The following GLYR1 variants were observed in gnomAD, a reference collection of about 807,000 sequenced individuals.
GLYR1 encodes cytokine-like nuclear factor N-PAC.
GLYR1 carries 21 observed loss-of-function variants against 72.7 expected under a neutral mutation model. That is an observed-to-expected ratio of 0.29 (90% CI 0.20 to 0.42). The LOEUF is 0.42. Ranked by LOEUF, GLYR1 falls within the 10% of genes least tolerant of loss-of-function variation. GLYR1 has a pLI of 1.00. For missense variants in GLYR1, 594 were observed against 712.1 expected, an observed-to-expected ratio of 0.83 and a Z score of 1.89; for synonymous variants, 392 against 270.2, an observed-to-expected ratio of 1.45 and a Z score of -4.42.
chr16:4,844,510 G>A (rs1285061123), intron 3 of GLYR1, among the ~76,000 whole-genome samples: 1 of 152,202 alleles, frequency 6.6e-6, no homozygotes, highest in Non-Finnish European at 1.5e-5. Context: ...AGTGGCTCAC[G>A]CCTATAATCC....
At chr16:4,823,413 C>T (rs1010172927) in intron 6 of GLYR1, among the ~76,000 whole-genome samples, 2 of 152,068 alleles carry the variant, frequency 1.3e-5, no homozygotes, top group Non-Finnish European at 2.9e-5. Flanking sequence ...ATAATTATGC[C>T]CAGCAACAGG....
At chr16:4,830,631 C>T (rs547013311) in intron 5 of GLYR1, among the ~76,000 whole-genome samples, 59 of 152,322 alleles carry the variant, frequency 3.9e-4, no homozygotes, top group African/African-American at 1.3e-3. Flanking sequence ...CGTCACCCAA[C>T]TGTTGCTGCC....
At chr16:4,818,495 C>A in intron 9 of GLYR1, among the ~76,000 whole-genome samples, 1 of 151,950 alleles carries the variant, frequency 6.6e-6, no homozygotes, top group East Asian at 1.9e-4. Context: ...GTTACCCAGG[C>A]TGGTCTTGGA....
chr16:4,807,117 T>C (rs2083035830), intron 15 of GLYR1, among the ~76,000 whole-genome samples: 1 of 147,584 alleles, frequency 6.8e-6, no homozygotes, highest in African/African-American at 2.5e-5. Flanking sequence ...CTTTTTTTTT[T>C]TTTTTTTTTT....
chr16:4,805,341 G>T, intron 15 of GLYR1, 31 bp from the exon 16 acceptor site: 9 of 1,589,354 alleles, frequency 5.7e-6, no homozygotes, highest in Non-Finnish European at 7.8e-6. Flanking sequence ...TCAGTCTCTG[G>T]CCCCAGAGCT....
At chr16:4,805,593 A>G (rs2082918894) in intron 15 of GLYR1, among the ~76,000 whole-genome samples, 1 of 152,240 alleles carries the variant, frequency 6.6e-6, no homozygotes. Context: ...ACTGCGGCTC[A>G]TGCCTGTAAG....
intron 11 of GLYR1, 49 bp from the exon 12 acceptor site, chr16:4,813,887 C>G (rs2141961054): frequency 7.0e-7 from 1 of 1,435,234 alleles, no homozygotes; most frequent in East Asian, 2.4e-5. Context: ...CGGGCAGATG[C>G]TCAGGAGCCC....
chr16:4,816,320 A>T (rs781647171), intron 10 of GLYR1, among the ~76,000 whole-genome samples: 8 of 151,742 alleles, frequency 5.3e-5, no homozygotes, highest in Non-Finnish European at 1.2e-4. Context: ...CTAATATTTT[A>T]TTTTTTGTAG....
intron 4 of GLYR1, 102 bp downstream of exon 4, chr16:4,832,672 C>G (rs774263863): frequency 1.7e-5 from 23 of 1,342,308 alleles, no homozygotes; most frequent in Middle Eastern, 3.8e-4. Context: ...AGTAGCATTT[C>G]AGAAGAACAA....
At chr16:4,843,507 C>G in intron 3 of GLYR1, 1 of 1,282,382 alleles carries the variant, frequency 7.8e-7, no homozygotes, top group East Asian at 5.6e-5. Flanking sequence ...CTTCCAGAAG[C>G]TCTGGCTCCA....
chr16:4,832,952 G>A (rs1329953838), intron 3 of GLYR1, 40 bp from the exon 4 acceptor site: 1 of 1,563,048 alleles, frequency 6.4e-7, no homozygotes, highest in Non-Finnish European at 8.7e-7. Flanking sequence ...GAACCATATA[G>A]CATATGCCCT....
chr16:4,835,218 C>T (rs982447349), intron 3 of GLYR1, among the ~76,000 whole-genome samples: 19 of 152,110 alleles, frequency 1.2e-4, no homozygotes, highest in African/African-American at 4.1e-4. Context: ...TCCCACTACC[C>T]AGCCTCACAG....
intron 15 of GLYR1, among the ~76,000 whole-genome samples, chr16:4,806,301 G>A (rs756027779): frequency 6.6e-6 from 1 of 152,142 alleles, no homozygotes; most frequent in South Asian, 2.1e-4. Flanking sequence ...GGAAAGAAAT[G>A]CTTCTGTGTG....
rs1432056156 is a variant in GLYR1, at chr16:4,832,661, C to T, written c.294+113G>A. 4.0e-6 allele frequency: 5 copies of T among 1,243,018 alleles called. No homozygotes were observed. In the Admixed American group the frequency reaches 9.8e-5, roughly 24 times the overall value. 77.0% of individuals were successfully genotyped at this position (1,243,018 alleles called of 1,614,324 possible). A position where few individuals can be genotyped will look rare whatever the true frequency, so the allele number is the denominator to read the frequency against. Reference sequence around the variant, plus strand: ...ACCTTAGAACTGAAGTAGCTTTCTCCAGTAGCATTTCAGAAGAACAAAGGT... The same window carrying T: ...ACCTTAGAACTGAAGTAGCTTTCTCTAGTAGCATTTCAGAAGAACAAAGGT... On this transcript the variant is annotated intron_variant, in intron 4 of 15. Coordinates refer to ENST00000321919, the MANE Select transcript of GLYR1 (RefSeq NM_032569.4).
rs763276774 is a variant in GLYR1, at chr16:4,823,858, G to A, written c.587C>T (p.Pro196Leu). ...TGGCTGCCATTTAAACGCGGCCATC[G>A]GTCCGGCCATCATCCCCTTCACGGT... is the stretch of plus-strand genomic sequence containing the variant. ...SSTVKGMMAG[P>L]MAAFKWQPTA... Residue 196 changes from proline (P) to leucine (L), a missense_variant, in exon 6 of 16, where the codon CCG (proline) becomes CTG (leucine). Physicochemically the swap from Pro to Leu is moderately conservative, Grantham distance 98 (BLOSUM62 -3). Coordinates refer to ENST00000321919, the MANE Select transcript of GLYR1 (RefSeq NM_032569.4). 2.5e-6 allele frequency: 4 copies of A among 1,613,970 alleles called. No individual in the cohort carries two copies. Among genetic ancestry groups the A allele is most frequent in the Non-Finnish European group, 3.4e-6 (4 of 1,180,002 alleles).
chr16:4,813,861 C>T (rs766977069), intron 11 of GLYR1, 23 bp from the exon 12 acceptor site: 2 of 1,586,148 alleles, frequency 1.3e-6, no homozygotes, highest in African/African-American at 1.3e-5. Flanking sequence ...AAGGGAGAAG[C>T]AATAGCCCAG....
chr16:4,811,693 G>T lies in GLYR1; in HGVS notation c.1392C>A (p.Ser464=). 1 of 1,614,188 alleles carries T rather than the reference G, an allele frequency of 6.2e-7. No homozygotes were observed. Among genetic ancestry groups the T allele is most frequent in the Non-Finnish European group, 8.5e-7 (1 of 1,180,024 alleles). ...GLTLAQVTGQ[S]QQTLLDILNQ... is the part of the protein sequence containing the mutation. ...TGAGGATGTCCAAGAGTGTCTGCTG[G>T]GACTGGCCTGTCACCTGGGCCAGGG... Residue 464 remains serine, a synonymous_variant, in exon 14 of 16, where the codon TCC becomes TCA. Transcript: ENST00000321919.
At position 4,806,246 on chromosome 16, in the gene GLYR1, C is replaced by T. The variant is rs189786382; in HGVS notation, c.1588-936G>A. 9.2e-5 allele frequency among the ~76,000 whole-genome samples: 14 copies of T among 152,214 alleles called. No homozygotes were observed. In the East Asian group the frequency reaches 2.3e-3, roughly 25 times the overall value. ...CCCCCCACACAGAATGGCAGCAGTG[C>T]CGAGGTTGAGAAACCCTGCCTTAAA... On this transcript the variant is annotated intron_variant, in intron 15 of 15. Coordinates refer to ENST00000321919, the MANE Select transcript of GLYR1 (RefSeq NM_032569.4).
intron 10 of GLYR1, among the ~76,000 whole-genome samples, chr16:4,815,949 T>G (rs1420672333): frequency 6.6e-6 from 1 of 151,880 alleles, no homozygotes; most frequent in East Asian, 1.9e-4. Flanking sequence ...GCCCGGCTAA[T>G]TTTTCGTATT....
Sources: gnomAD v4.1 joint callset for allele counts (sites outside exome capture counted in the v4.1 genomes callset) on GRCh38, gnomAD v4.1.1 for gene constraint, MANE v1.5 for transcripts, NCBI Gene and HGNC (gene_info 2026-07-23, HGNC 2026-07-21) for gene names.